Variants in PTBP2 observed in about 807,000 individuals in gnomAD.
PTBP2 encodes the protein polypyrimidine tract-binding protein 2.
A neutral mutation model predicts 61.4 loss-of-function variants in PTBP2; 13 were observed. The observed-to-expected ratio is 0.21, with a 90% CI of 0.14 to 0.34. The LOEUF (loss-of-function observed/expected upper bound fraction) is 0.34, where lower values mean the gene tolerates loss of function less well. PTBP2 is among the 10% of genes least tolerant of loss of function. The pLI is 1.00. For missense variants in PTBP2, 405 were observed against 642.6 expected, an observed-to-expected ratio of 0.63 and a Z score of 4.00; for synonymous variants, 215 against 218.5, an observed-to-expected ratio of 0.98 and a Z score of 0.14.
chr1:96,793,364 TTTTTA>T (rs1406598112), intron 8 of PTBP2, among the ~76,000 whole-genome samples: 1 of 152,090 alleles, frequency 6.6e-6, no homozygotes, highest in African/African-American at 2.4e-5. Context: ...AATTGTTTAT[TTTTTA>T]TTTTATTTTA....
At position 96,814,507 on chromosome 1, in the gene PTBP2, A is replaced by G. The variant is rs915051950; in HGVS notation, c.*1102A>G. The G allele has an allele frequency of 5.9e-5, 9 of 152,538 alleles. No homozygotes were observed. Among genetic ancestry groups the G allele is most frequent in the African/African-American group, 9.6e-5 (4 of 41,454 alleles). 9.4% of individuals were successfully genotyped at this position (152,538 alleles called of 1,614,324 possible). On this transcript the variant is annotated 3_prime_UTR_variant, in exon 14 of 14. Transcript: ENST00000674951. ...TAATATTCAGTTTTAATAAATCTTC[A>G]AAATATTTTGTATTTAGGAATAGAT...
intron 2 of PTBP2, among the ~76,000 whole-genome samples, chr1:96,729,498 A>C (rs1188198944): frequency 1.3e-5 from 2 of 152,026 alleles, no homozygotes. Flanking sequence ...TAGGGTGAGA[A>C]CTCTAAAATT....
chr1:96,802,213 A>G (rs866768089), intron 8 of PTBP2, among the ~76,000 whole-genome samples: 1 of 146,276 alleles, frequency 6.8e-6, no homozygotes, highest in Admixed American at 6.7e-5. Context: ...TCCGTCTCGA[A>G]AAAAAAAAAA....
chr1:96,823,405 C>A (rs556086956), exon 14 of PTBP2: 6 of 152,136 alleles, frequency 3.9e-5, no homozygotes, highest in South Asian at 4.1e-4. Flanking sequence ...CACTAAGATA[C>A]AATTTTAAGT....
At chr1:96,792,736 A>G (rs1274908357) in intron 8 of PTBP2, among the ~76,000 whole-genome samples, 1 of 152,192 alleles carries the variant, frequency 6.6e-6, no homozygotes, top group African/African-American at 2.4e-5. Flanking sequence ...GATATGTAAC[A>G]TGCAAATAAT....
In PTBP2 at chr1:96,802,211, GAAAAAAAAAA is replaced by G. The variant is rs5776325; in HGVS notation, c.905-2576_905-2567del. On this transcript the variant is annotated intron_variant, in intron 8 of 13. Transcript: ENST00000674951. ...GAGAGACACAGCGAGACTCCGTCTC[GAAAAAAAAAA>G]AAAAAAAAAAAAGAACCCACATTAA... Among the ~76,000 whole-genome samples, 10 of 54,036 alleles carry G rather than the reference GAAAAAAAAAA, an allele frequency of 1.9e-4. No individual in the cohort carries two copies. The South Asian group carries it at 2.8e-3, about 15-fold the overall frequency. 35.4% of individuals were successfully genotyped at this position (54,036 alleles called of 152,430 possible).
At position 96,734,512 on chromosome 1, in the gene PTBP2, A is replaced by G. The variant is rs550230776; in HGVS notation, c.39+10918A>G. The stretch of plus-strand genomic sequence containing the variant: ...GAGTCACGATAAAATAAGATCAGCA[A>G]ATTTAACAGGTCGTTATTACCTCTT... On this transcript the variant is annotated intron_variant, in intron 2 of 13. Transcript: ENST00000674951. 2.0e-5 allele frequency among the ~76,000 whole-genome samples: 3 copies of G among 152,010 alleles called. No homozygotes were observed. In the South Asian group the frequency reaches 6.2e-4, roughly 31 times the overall value.
intron 8 of PTBP2, among the ~76,000 whole-genome samples, chr1:96,789,206 T>G (rs1182848359): frequency 6.6e-6 from 1 of 151,880 alleles, no homozygotes. Flanking sequence ...TCCTTGTATT[T>G]CAAATTGAAT....
chr1:96,722,857 G>A (rs1649811019), intron 1 of PTBP2, among the ~76,000 whole-genome samples: 1 of 152,190 alleles, frequency 6.6e-6, no homozygotes, highest in Non-Finnish European at 1.5e-5. Flanking sequence ...CTTCACACCT[G>A]AAAAGACTCA....
chr1:96,817,384 A>T (rs539352918), downstream of PTBP2: 2 of 152,266 alleles, frequency 1.3e-5, no homozygotes, highest in Admixed American at 1.3e-4. Flanking sequence ...GAAAGTCTTA[A>T]TTTTAAACCG....
At chr1:96,761,346 ATGTGTG>A (rs57451223) in intron 3 of PTBP2, among the ~76,000 whole-genome samples, 5,678 of 140,526 alleles carry the variant, frequency 0.04, 157 homozygotes, top group African/African-American at 0.078. Context: ...GTGGGATTTG[ATGTGTG>A]TGTGTGTGTG....
intron 8 of PTBP2, among the ~76,000 whole-genome samples, chr1:96,796,642 C>T (rs1004277948): frequency 6.6e-6 from 1 of 152,052 alleles, no homozygotes; most frequent in Admixed American, 6.6e-5. Context: ...TAGTATTTGT[C>T]AAGCCCAGAT....
chr1:96,792,898 C>T (rs1473506101), intron 8 of PTBP2, among the ~76,000 whole-genome samples: 1 of 151,974 alleles, frequency 6.6e-6, no homozygotes, highest in African/African-American at 2.4e-5. Context: ...CTACTGCAGA[C>T]ATATTTGAAA....
At chr1:96,799,381 G>T (rs894349707) in intron 8 of PTBP2, among the ~76,000 whole-genome samples, 1 of 137,994 alleles carries the variant, frequency 7.2e-6, no homozygotes, top group South Asian at 2.3e-4. Context: ...CTGCAAACTC[G>T]GCCTCCCGGG....
At chr1:96,785,311 C>A in intron 8 of PTBP2, 57 bp downstream of exon 8, 1 of 1,351,000 alleles carries the variant, frequency 7.4e-7, no homozygotes, top group Non-Finnish European at 1.0e-6. Context: ...GGAAAAGTAC[C>A]AGTAAGTATA....
rs1379811014 is a variant in PTBP2 at position 96,807,987 on chromosome 1, A to G, written c.1171+1029A>G. On this transcript the variant is annotated intron_variant, in intron 11 of 13. Coordinates refer to ENST00000674951, the MANE Select transcript of PTBP2 (RefSeq NM_021190.4). ...ATAGTCATTGCTGTTGTTTTCATAT[A>G]TGTTGTAAGTAGCACTTAACAGTAC... Among the ~76,000 whole-genome samples the G allele has an allele frequency of 3.3e-5, 5 of 152,158 alleles. No individual in the cohort carries two copies. In the East Asian group the frequency reaches 7.7e-4, roughly 23 times the overall value.
intron 8 of PTBP2, among the ~76,000 whole-genome samples, chr1:96,790,411 G>A (rs544448241): frequency 4.6e-5 from 7 of 151,836 alleles, no homozygotes; most frequent in African/African-American, 9.7e-5. Context: ...TGATCCTTTC[G>A]TTACTTTTTT....
At chr1:96,770,622 T>C (rs956074133) in intron 4 of PTBP2, 86 bp from the exon 5 acceptor site, 2 of 1,135,706 alleles carry the variant, frequency 1.8e-6, no homozygotes, top group South Asian at 1.4e-5. Context: ...TTCTAGATAA[T>C]TGATTAAAAT....
chr1:96,723,430 A>ATG (rs1553169528), intron 1 of PTBP2, 134 bp from the exon 2 acceptor site: 30 of 632,644 alleles, frequency 4.7e-5, no homozygotes, highest in Non-Finnish European at 7.1e-5. Flanking sequence ...CATCTGTGGT[A>ATG]TTTTTTATCC....
Sources: gnomAD v4.1 joint callset for allele counts (sites outside exome capture counted in the v4.1 genomes callset) on GRCh38, gnomAD v4.1.1 for gene constraint, MANE v1.5 for transcripts, NCBI Gene and HGNC (gene_info 2026-07-23, HGNC 2026-07-21) for gene names.